Variants in CCDC158 observed in about 807,000 individuals in gnomAD.
CCDC158 encodes the protein coiled-coil domain containing 158.
A neutral mutation model predicts 138.6 loss-of-function variants in CCDC158; 116 were observed. The ratio of observed to expected loss-of-function variants is 0.84; its 90% CI spans 0.72 to 0.98. The LOEUF is 0.98. Among genes scored for constraint, CCDC158 ranks in the 50% least tolerant of loss-of-function variants. The probability of loss-of-function intolerance (pLI) is 0.00; values close to 1 mark genes in which losing one functional copy is unlikely to be tolerated. For missense variants in CCDC158, 1,265 were observed against 1,306.1 expected, an observed-to-expected ratio of 0.97 and a Z score of 0.48; for synonymous variants, 436 against 442.4, an observed-to-expected ratio of 0.99 and a Z score of 0.18.
chr4:76,349,964 A>G (rs957038143), intron 18 of CCDC158, among the ~76,000 whole-genome samples: 3 of 152,246 alleles, frequency 2.0e-5, no homozygotes, highest in African/African-American at 7.2e-5. Flanking sequence ...AGAGTTAAAA[A>G]TATGGTTCCA....
intron 8 of CCDC158, among the ~76,000 whole-genome samples, chr4:76,381,946 G>T (rs1726294410): frequency 6.6e-6 from 1 of 152,160 alleles, no homozygotes; most frequent in African/African-American, 2.4e-5. Context: ...CTCCCAAAGT[G>T]CTGGGAATAT....
Position 76,379,270 on chromosome 4 carries a change from C to A in CCDC158, c.1029+20G>T, listed in dbSNP as rs58881222. 5.8e-3 allele frequency: 8,527 copies of A among 1,463,268 alleles called. 392 individuals carry two copies. The African/African-American group carries it at 0.1, about 18-fold the overall frequency. 90.6% of individuals were successfully genotyped at this position (1,463,268 alleles called of 1,614,324 possible). On this transcript the variant is annotated intron_variant, in intron 9 of 24. Transcript: ENST00000682701. The stretch of plus-strand genomic sequence containing the variant: ...GGATATTAAAGTCTCTAGAAACAGA[C>A]CAGCAAAACCTAAACTCACCTTGTC...
In CCDC158 at chr4:76,313,130, T is replaced by G; in HGVS notation, c.*40A>C. The G allele has an allele frequency of 7.6e-7, 1 of 1,308,788 alleles. No individual in the cohort carries two copies. Among genetic ancestry groups the G allele is most frequent in the Non-Finnish European group, 1.1e-6 (1 of 931,052 alleles). 81.1% of individuals were successfully genotyped at this position (1,308,788 alleles called of 1,614,324 possible). A position where few individuals can be genotyped will look rare whatever the true frequency, so the allele number is the denominator to read the frequency against. ...TAATTACGAGTAACACCACAATTAATTGGGCCTCATTCCTCTGTAAAGAAT... is the reference window on the plus strand; with the variant it reads ...TAATTACGAGTAACACCACAATTAAGTGGGCCTCATTCCTCTGTAAAGAAT... On this transcript the variant is annotated 3_prime_UTR_variant, in exon 25 of 25. Coordinates refer to ENST00000682701, the MANE Select transcript of CCDC158 (RefSeq NM_001394954.1).
intron 22 of CCDC158, among the ~76,000 whole-genome samples, chr4:76,327,653 A>C (rs1266800000): frequency 6.6e-6 from 1 of 152,222 alleles, no homozygotes; most frequent in Non-Finnish European, 1.5e-5. Context: ...CTCTATTATA[A>C]TCTTATGGGA....
At chr4:76,341,386 T>G (rs1722031706) in intron 18 of CCDC158, among the ~76,000 whole-genome samples, 1 of 152,220 alleles carries the variant, frequency 6.6e-6, no homozygotes, top group Non-Finnish European at 1.5e-5. Context: ...ACTCATCTCT[T>G]ATATTTTAGA....
At chr4:76,403,321 A>T (rs1728567810) in intron 2 of CCDC158, 41 bp from the exon 3 acceptor site, 1 of 633,048 alleles carries the variant, frequency 1.6e-6, no homozygotes. Flanking sequence ...ACAAGGTACT[A>T]TGTGAAAAAA....
intron 7 of CCDC158, 112 bp downstream of exon 7, chr4:76,383,550 T>TA: frequency 4.1e-6 from 3 of 730,492 alleles, no homozygotes; most frequent in East Asian, 2.5e-5. Flanking sequence ...TATAAACCTA[T>TA]AAAAAAACTT....
intron 19 of CCDC158, among the ~76,000 whole-genome samples, chr4:76,333,197 G>T (rs1196342136): frequency 2.6e-5 from 4 of 152,062 alleles, no homozygotes; most frequent in African/African-American, 7.2e-5. Flanking sequence ...CTAATATTTT[G>T]CTACCTCAGG....
In CCDC158 at chr4:76,383,014, A is replaced by G. The variant is rs545517950; in HGVS notation, c.804-294T>C. Among the ~76,000 whole-genome samples, 20 of 152,334 alleles carry G rather than the reference A, an allele frequency of 1.3e-4. 1 individual carries two copies. The South Asian group carries it at 4.1e-3, about 32-fold the overall frequency. On this transcript the variant is annotated intron_variant, in intron 7 of 24. Transcript: ENST00000682701. ...TGAGATCTAGGGAAGTGTCCCATTA[A>G]CGAAACATATCATGAATGCAATAAT...
At chr4:76,351,487 C>T (rs1425816138) in intron 17 of CCDC158, among the ~76,000 whole-genome samples, 1 of 152,084 alleles carries the variant, frequency 6.6e-6, no homozygotes, top group Non-Finnish European at 1.5e-5. Context: ...TTTAAACTCA[C>T]CTATTTTAAA....
chr4:76,356,459 G>T (rs1428162185), intron 14 of CCDC158, among the ~76,000 whole-genome samples: 1 of 152,086 alleles, frequency 6.6e-6, no homozygotes, highest in Non-Finnish European at 1.5e-5. Context: ...CTTAATAATT[G>T]TAATGTCCCT....
At chr4:76,417,778 A>C in intron 1 of CCDC158, among the ~76,000 whole-genome samples, 1 of 152,144 alleles carries the variant, frequency 6.6e-6, no homozygotes, top group Non-Finnish European at 1.5e-5. Context: ...CATTGAACTG[A>C]ATGACAGAAA....
At chr4:76,362,023 C>A in intron 13 of CCDC158, 103 bp downstream of exon 13, 1 of 817,516 alleles carries the variant, frequency 1.2e-6, no homozygotes, top group Non-Finnish European at 1.9e-6. Flanking sequence ...TCATGTTTGT[C>A]ATGTGAGTGA....
At position 76,350,914 on chromosome 4, in the gene CCDC158, AT is replaced by A. The variant is rs1722977558; in HGVS notation, c.2664+81del. 3.7e-6 allele frequency: 5 copies of A among 1,368,970 alleles called. No individual in the cohort carries two copies. In the Admixed American group the frequency reaches 6.2e-5, roughly 17 times the overall value. The allele number at this position is 1,368,970 out of a possible 1,614,324, so 84.8% of individuals were successfully genotyped here. A position where few individuals can be genotyped will look rare whatever the true frequency, so the allele number is the denominator to read the frequency against. Reference sequence around the variant, plus strand: ...AAAATGCTATGGATATAGAGATATTATTTTTTAACGTAATTCTTTCCAATTT... The same window carrying A: ...AAAATGCTATGGATATAGAGATATTATTTTTAACGTAATTCTTTCCAATTT... On this transcript the variant is annotated intron_variant, in intron 18 of 24. Transcript: ENST00000682701.
At chr4:76,386,415 C>T (rs948145160) in intron 4 of CCDC158, among the ~76,000 whole-genome samples, 1 of 151,304 alleles carries the variant, frequency 6.6e-6, no homozygotes, top group African/African-American at 2.4e-5. Context: ...TTCATTCTCC[C>T]CATTTACATA....
intron 9 of CCDC158, among the ~76,000 whole-genome samples, chr4:76,374,387 A>G (rs1283713169): frequency 1.3e-5 from 2 of 152,228 alleles, no homozygotes; most frequent in Non-Finnish European, 2.9e-5. Context: ...CTGTTACACA[A>G]TTATGTTTGC....
chr4:76,333,733 T>A (rs890308308), intron 19 of CCDC158, among the ~76,000 whole-genome samples: 1 of 152,222 alleles, frequency 6.6e-6, no homozygotes, highest in Non-Finnish European at 1.5e-5. Context: ...AGATTATGGA[T>A]ATAAAATCTT....
chr4:76,416,000 T>C (rs962843563), intron 1 of CCDC158, among the ~76,000 whole-genome samples: 4 of 152,238 alleles, frequency 2.6e-5, no homozygotes, highest in African/African-American at 9.6e-5. Context: ...CCTGTGATGC[T>C]GTCCTTCAGT....
chr4:76,394,003 A>C (rs1258750918), intron 4 of CCDC158, among the ~76,000 whole-genome samples: 1 of 152,122 alleles, frequency 6.6e-6, no homozygotes, highest in Non-Finnish European at 1.5e-5. Flanking sequence ...GGATATGGAG[A>C]AAAAGGAACC....
Sources: gnomAD v4.1 joint callset for allele counts (sites outside exome capture counted in the v4.1 genomes callset) on GRCh38, gnomAD v4.1.1 for gene constraint, MANE v1.5 for transcripts, NCBI Gene and HGNC (gene_info 2026-07-23, HGNC 2026-07-21) for gene names.